Variants in TARS1 observed in about 807,000 individuals in gnomAD.
The protein encoded by TARS1 is threonyl-tRNA synthetase 1, also known as threonine--tRNA ligase 1, cytoplasmic.
TARS1 carries 57 observed loss-of-function variants against 97.7 expected under a neutral mutation model. The ratio of observed to expected loss-of-function variants is 0.58; its 90% CI spans 0.47 to 0.73. The LOEUF (loss-of-function observed/expected upper bound fraction) is 0.73, where lower values mean the gene tolerates loss of function less well. TARS1 is among the 30% of genes least tolerant of loss of function. The pLI is 0.00. For synonymous variants in TARS1, 312 were observed against 293.7 expected, an observed-to-expected ratio of 1.06 and a Z score of -0.64; for missense variants, 806 against 888.3, an observed-to-expected ratio of 0.91 and a Z score of 1.18.
intron 1 of TARS1, among the ~76,000 whole-genome samples, chr5:33,442,643 C>T (rs1445311848): frequency 6.6e-6 from 1 of 152,096 alleles, no homozygotes; most frequent in African/African-American, 2.4e-5. Context: ...TCATGCCATT[C>T]TCCTGCCTCA....
At chr5:33,442,579 A>C (rs556381137) in intron 1 of TARS1, among the ~76,000 whole-genome samples, 2 of 152,230 alleles carry the variant, frequency 1.3e-5, no homozygotes, top group Admixed American at 6.5e-5. Flanking sequence ...TCTGTCACTC[A>C]GGCTGGAGTG....
rs141996736 is a variant in TARS1 at position 33,454,995 on chromosome 5, C to T, written c.504C>T (p.Val168=). 1.9e-6 allele frequency: 3 copies of T among 1,613,608 alleles called. No homozygotes were observed. The African/African-American group carries it at 4.0e-5, about 22-fold the overall frequency. The stretch of plus-strand genomic sequence containing the variant: ...TAATGGGTGAAGCCATGGAAAGAGT[C>T]TATGGTGGATGTTTATGCTACGGTC... ...AHIMGEAMER[V]YGGCLCYGPP... Residue 168 remains valine, a synonymous_variant, in exon 5 of 19, where the codon GTC becomes GTT. Transcript: ENST00000265112.
At chr5:33,467,087 T>G (rs969771840) in intron 18 of TARS1, 102 bp downstream of exon 18, 6 of 486,010 alleles carry the variant, frequency 1.2e-5, no homozygotes, top group African/African-American at 1.2e-4. Flanking sequence ...ATTTATTTAG[T>G]TCCTTCCAGT....
intron 1 of TARS1, among the ~76,000 whole-genome samples, chr5:33,445,039 T>C (rs1741345343): frequency 6.6e-6 from 1 of 152,114 alleles, no homozygotes; most frequent in African/African-American, 2.4e-5. Flanking sequence ...GTGGTCCAAG[T>C]AAACCTGAAG....
At chr5:33,461,517 G>T in intron 13 of TARS1, 150 bp from the exon 14 acceptor site, 2 of 941,016 alleles carry the variant, frequency 2.1e-6, no homozygotes, top group Non-Finnish European at 3.2e-6. Context: ...TTTAAAAAGG[G>T]GTTGGTATGA....
intron 16 of TARS1, among the ~76,000 whole-genome samples, chr5:33,463,125 C>T (rs558520736): frequency 6.6e-6 from 1 of 152,148 alleles, no homozygotes; most frequent in Admixed American, 6.5e-5. Flanking sequence ...TAGCCTTTTG[C>T]CTGATACAAC....
At chr5:33,467,418 C>A in intron 18 of TARS1, 142 bp from the exon 19 acceptor site, 1 of 865,252 alleles carries the variant, frequency 1.2e-6, no homozygotes, top group Non-Finnish European at 1.7e-6. Flanking sequence ...TAAATATCAA[C>A]ACATGGTCAC....
At chr5:33,446,436 C>T (rs1262294148) in intron 2 of TARS1, among the ~76,000 whole-genome samples, 1 of 152,178 alleles carries the variant, frequency 6.6e-6, no homozygotes, top group East Asian at 1.9e-4. Context: ...AACATACGTG[C>T]TGTTCCATCA....
In TARS1 at chr5:33,454,950, T is replaced by C; in HGVS notation, c.459T>C (p.Tyr153=). Residue 153 remains tyrosine, a synonymous_variant, in exon 5 of 19, where the codon TAT becomes TAC. Coordinates refer to ENST00000265112, the MANE Select transcript of TARS1 (RefSeq NM_152295.5). ...KFEDEEAQAV[Y]WHSSAHIMGE... is the part of the protein sequence containing the mutation. The stretch of plus-strand genomic sequence containing the variant: ...ATTTTTCTTTAAATTTTCAGGTGTA[T>C]TGGCACTCTAGTGCTCACATAATGG... 6.2e-7 allele frequency: 1 copy of C among 1,613,476 alleles called. No homozygotes were observed. Among genetic ancestry groups the C allele is most frequent in the Non-Finnish European group, 8.5e-7 (1 of 1,179,690 alleles).
intron 3 of TARS1, 46 bp downstream of exon 3, chr5:33,448,777 T>G (rs1579577679): frequency 7.3e-7 from 1 of 1,367,454 alleles, no homozygotes; most frequent in East Asian, 2.5e-5. Context: ...GTGGTCTAAC[T>G]AAACTTCCTT....
chr5:33,464,084 T>G (rs1224391943), intron 17 of TARS1, among the ~76,000 whole-genome samples: 1 of 152,194 alleles, frequency 6.6e-6, no homozygotes, highest in Non-Finnish European at 1.5e-5. Flanking sequence ...GATGGGATCT[T>G]TCTCTTGCCC....
rs1207205411 is a variant in TARS1, at chr5:33,446,798, T to C, written c.138+1394T>C. ...GATTATAATGATGCTTTAGAGTGGA[T>C]GGAACTGGGTACTGTGCATTAGTCT... On this transcript the variant is annotated intron_variant, in intron 2 of 18. Transcript: ENST00000265112. 2.4e-6 allele frequency: 3 copies of C among 1,229,800 alleles called. No individual in the cohort carries two copies. The Admixed American group carries it at 7.0e-5, about 29-fold the overall frequency. The allele number at this position is 1,229,800 out of a possible 1,614,324, so 76.2% of individuals were successfully genotyped here. A position where few individuals can be genotyped will look rare whatever the true frequency, so the allele number is the denominator to read the frequency against.
At chr5:33,457,546 A>G in intron 9 of TARS1, 143 bp downstream of exon 9, 1 of 817,164 alleles carries the variant, frequency 1.2e-6, no homozygotes, top group African/African-American at 1.7e-5. Flanking sequence ...GTCCTGTACA[A>G]ACTATAAACA....
At position 33,463,825 on chromosome 5, in the gene TARS1, G is replaced by A. The variant is rs781663957; in HGVS notation, c.1908G>A (p.Lys636=). Residue 636 remains lysine, a splice_region_variant and synonymous_variant, in exon 17 of 19, where the codon AAG becomes AAA. Coordinates refer to ENST00000265112, the MANE Select transcript of TARS1 (RefSeq NM_152295.5). ...VGPTCDEYAQ[K]VRQQFHDAKF... is the part of the protein sequence containing the mutation. Reference sequence around the variant, plus strand: ...CAACCTGTGATGAATATGCCCAAAAGGTAAGCCTTAGATATGAATTTTCTT... The same window carrying A: ...CAACCTGTGATGAATATGCCCAAAAAGTAAGCCTTAGATATGAATTTTCTT... 8 of 1,609,610 alleles carry A rather than the reference G, an allele frequency of 5.0e-6. No individual in the cohort carries two copies. The highest frequency in any genetic ancestry group is 4.5e-5 in the East Asian group (2 of 44,850).
At chr5:33,444,353 G>A (rs1741303540) in intron 1 of TARS1, among the ~76,000 whole-genome samples, 1 of 152,198 alleles carries the variant, frequency 6.6e-6, no homozygotes, top group African/African-American at 2.4e-5. Context: ...GCAAAACAGT[G>A]AATACCTAAA....
intron 17 of TARS1, among the ~76,000 whole-genome samples, chr5:33,465,833 C>G (rs1742506418): frequency 6.6e-6 from 1 of 152,142 alleles, no homozygotes; most frequent in African/African-American, 2.4e-5. Flanking sequence ...GAATCTTTTT[C>G]AATCAAAAAT....
In TARS1 at chr5:33,455,609, T is replaced by A; in HGVS notation, c.598T>A (p.Ser200Thr). Residue 200 changes from serine to threonine, a missense_variant, in exon 6 of 19, where the codon TCT becomes ACT. Ser to Thr is a moderately conservative substitution (Grantham distance 58). Coordinates refer to ENST00000265112, the MANE Select transcript of TARS1 (RefSeq NM_152295.5). ...EEGGVSSNDF[S>T]SLEALCKKII... ...CAGGGGTGTGTCTAGCAATGATTTC[T>A]CTTCTCTGGAGGCTTTGTGTAAGAA... The A allele has an allele frequency of 6.2e-7, 1 of 1,611,764 alleles. No homozygotes were observed. Among genetic ancestry groups the A allele is most frequent in the South Asian group, 1.1e-5 (1 of 90,858 alleles).
In TARS1 at chr5:33,467,713, A is replaced by G. The variant is rs537943151; in HGVS notation, c.*5A>G. 4 of 1,608,184 alleles carry G rather than the reference A, an allele frequency of 2.5e-6. No individual in the cohort carries two copies. The African/African-American group carries it at 5.4e-5, about 22-fold the overall frequency. ...CAGGCAGAAGAAGAATTTTAATGAA[A>G]AAATTACCCAGATTGGCTCCATGGA... On this transcript the variant is annotated 3_prime_UTR_variant, in exon 19 of 19. Coordinates refer to ENST00000265112, the MANE Select transcript of TARS1 (RefSeq NM_152295.5).
chr5:33,467,532 C>G (rs762648699), intron 18 of TARS1, 28 bp from the exon 19 acceptor site: 2 of 1,599,846 alleles, frequency 1.3e-6, no homozygotes, highest in East Asian at 2.2e-5. Flanking sequence ...TAGATTAAGT[C>G]TGACAAAGCT....
Sources: gnomAD v4.1 joint callset for allele counts (sites outside exome capture counted in the v4.1 genomes callset) on GRCh38, gnomAD v4.1.1 for gene constraint, MANE v1.5 for transcripts, NCBI Gene and HGNC (gene_info 2026-07-23, HGNC 2026-07-21) for gene names.